The following VCP variants were observed in gnomAD, a reference collection of about 807,000 sequenced individuals.
VCP encodes the protein transitional endoplasmic reticulum ATPase.
Under a neutral mutation model 85.7 loss-of-function variants are expected in VCP, and 6 were observed. The ratio of observed to expected loss-of-function variants is 0.07; its 90% CI spans 0.04 to 0.14. The LOEUF (loss-of-function observed/expected upper bound fraction) is 0.14. Ranked by LOEUF, VCP falls within the 10% of genes least tolerant of loss-of-function variation. The pLI is 1.00. For synonymous variants in VCP, 384 were observed against 367.1 expected (o/e 1.05, Z -0.53); for missense variants, 353 against 1,043.4 (o/e 0.34, Z 9.12).
At chr9:35,063,697 G>A (rs764224777) in intron 6 of VCP, among the ~76,000 whole-genome samples, 3 of 152,272 alleles carry the variant, frequency 2.0e-5, no homozygotes, top group Non-Finnish European at 4.4e-5. Flanking sequence ...TTCCCACTAG[G>A]AAAAGATTGA....
intron 1 of VCP, chr9:35,071,828 C>G: frequency 1.0e-6 from 1 of 989,702 alleles, no homozygotes; most frequent in Non-Finnish European, 1.2e-6. Flanking sequence ...CTTCCCCGAC[C>G]CCGGGCTCCG....
rs1480239077 is a variant in VCP at position 35,071,929 on chromosome 9, TCTCCG to T, written c.17+403_17+407del. The T allele has an allele frequency of 2.7e-5, 28 of 1,023,414 alleles. No individual in the cohort carries two copies. In the East Asian group the frequency reaches 2.5e-3, roughly 92 times the overall value. 63.4% of individuals were successfully genotyped at this position (1,023,414 alleles called of 1,614,324 possible). ...GGCCTCGGGCTCGCGGGGCCTGCTC[TCTCCG>T]GGGACCAAAGGCTTTCGGCGGGTGG... On this transcript the variant is annotated intron_variant, in intron 1 of 16. Transcript: ENST00000358901.
chr9:35,058,145 T>A (rs1263919176), intron 15 of VCP, among the ~76,000 whole-genome samples: 1 of 152,178 alleles, frequency 6.6e-6, no homozygotes, highest in East Asian at 1.9e-4. Context: ...AAAACCTATC[T>A]CTTCCATTGA....
rs1479973103 is a variant in VCP, at chr9:35,057,023, G to A, written c.*94C>T. On this transcript the variant is annotated 3_prime_UTR_variant, in exon 17 of 17. Transcript: ENST00000358901. ...CAGACTGGAGAATGGAGCAGGCTGTGGGCGCACCCCTGGTCCCTCTCCTGG... is the reference window on the plus strand; with the variant it reads ...CAGACTGGAGAATGGAGCAGGCTGTAGGCGCACCCCTGGTCCCTCTCCTGG... 16 of 1,231,820 alleles carry A rather than the reference G, an allele frequency of 1.3e-5. No homozygotes were observed. Among genetic ancestry groups the A allele is most frequent in the Non-Finnish European group, 1.9e-5 (16 of 840,070 alleles). The allele number at this position is 1,231,820 out of a possible 1,614,324, so 76.3% of individuals were successfully genotyped here.
In VCP at chr9:35,064,284, T is replaced by A; in HGVS notation, c.578A>T (p.Asp193Val). ...TACTTCATTCAAGGACTCTTCCTCATCCTGAATATGGAGGAGATAAAGAAA... is the reference window on the plus strand; with the variant it reads ...TACTTCATTCAAGGACTCTTCCTCAACCTGAATATGGAGGAGATAAAGAAA... Reference protein sequence around the residue: ...HCEGEPIKREDEEESLNEVGY... With the variant: ...HCEGEPIKREVEEESLNEVGY... The change falls in exon 6 of 17, where the codon GAT (aspartate) becomes GTT (valine). Residue 193 changes from aspartate to valine, a missense_variant and splice_region_variant. Around this residue, in one of 8 missense-constraint regions of VCP, gnomAD observed 85 missense variants for 345.2 expected, o/e 0.25. Coordinates refer to ENST00000358901, the MANE Select transcript of VCP (RefSeq NM_007126.5). 6.2e-7 allele frequency: 1 copy of A among 1,614,116 alleles called. No homozygotes were observed. The highest frequency in any genetic ancestry group is 8.5e-7 in the Non-Finnish European group (1 of 1,180,020).
rs569924212 is a variant in VCP, at chr9:35,068,431, C to A, written c.18-69G>T. 14 of 1,356,262 alleles carry A rather than the reference C, an allele frequency of 1.0e-5. No homozygotes were observed. The East Asian group carries it at 3.2e-4, about 31-fold the overall frequency. 84.0% of individuals were successfully genotyped at this position (1,356,262 alleles called of 1,614,324 possible). A position where few individuals can be genotyped will look rare whatever the true frequency, so the allele number is the denominator to read the frequency against. Reference sequence around the variant, plus strand: ...GCCTCGCCAGTCTCTAAAACTCATACTTAGGAAAGAAACAGTGAATAGATG... The same window carrying A: ...GCCTCGCCAGTCTCTAAAACTCATAATTAGGAAAGAAACAGTGAATAGATG... On this transcript the variant is annotated intron_variant, in intron 1 of 16. Transcript: ENST00000358901.
At chr9:35,062,391 C>T in intron 7 of VCP, 41 bp from the exon 8 acceptor site, 6 of 1,613,660 alleles carry the variant, frequency 3.7e-6, no homozygotes, top group Non-Finnish European at 5.1e-6. Context: ...AAATGATAGT[C>T]TTTCCCAATT....
At position 35,072,554 on chromosome 9, in the gene VCP, G is replaced by A. The variant is rs1828981817; in HGVS notation, c.-201C>T. On this transcript the variant is annotated 5_prime_UTR_variant, in exon 1 of 17. Transcript: ENST00000358901. ...AACAACGCTGGCTCCTGATCCGCGA[G>A]GTGGCAGTGGCAGTGGCAGCGGCAG... 1.7e-6 allele frequency: 1 copy of A among 592,480 alleles called. No individual in the cohort carries two copies. The highest frequency in any genetic ancestry group is 4.4e-5 in the Admixed American group (1 of 22,866). The allele number at this position is 592,480 out of a possible 1,614,324, so 36.7% of individuals were successfully genotyped here. A position where few individuals can be genotyped will look rare whatever the true frequency, so the allele number is the denominator to read the frequency against.
At chr9:35,065,449 A>T in intron 4 of VCP, 68 bp from the exon 5 acceptor site, 1 of 1,606,964 alleles carries the variant, frequency 6.2e-7, no homozygotes, top group South Asian at 1.1e-5. Flanking sequence ...AACTCATCAG[A>T]CCCTGGGGTC....
chr9:35,072,020 G>A (rs1202259798), intron 1 of VCP: 4 of 1,156,894 alleles, frequency 3.5e-6, no homozygotes, highest in Middle Eastern at 3.6e-4. Flanking sequence ...GGAGTGGGCC[G>A]GAAGACCTGG....
chr9:35,068,216 C>T lies in VCP; in HGVS notation c.129+35G>A, dbSNP rs78639645. ...CCTGGGAAAATCCCTCAAGTAAGTG[C>T]AGTAAGGAAAGACTAGTCTGTGGCC... On this transcript the variant is annotated intron_variant, in intron 2 of 16. Transcript: ENST00000358901. 4.3e-3 allele frequency: 6,927 copies of T among 1,608,384 alleles called. 258 individuals carry two copies. In the African/African-American group the frequency reaches 0.08, roughly 19 times the overall value.
rs188258544 is a variant in VCP at position 35,059,439 on chromosome 9, G to A, written c.2004+54C>T. The A allele has an allele frequency of 8.7e-6, 14 of 1,604,900 alleles. No homozygotes were observed. In the African/African-American group the frequency reaches 1.1e-4, roughly 12 times the overall value. On this transcript the variant is annotated intron_variant, in intron 14 of 16. Coordinates refer to ENST00000358901, the MANE Select transcript of VCP (RefSeq NM_007126.5). This position sits in a 1 kb window ranked among gnomAD's most constrained non-coding sequence, Gnocchi z 4.9. ...TTGTCCAGAAACTAAAGAGCACTCC[G>A]TACCAGCCTGAGGACTCATGCAAGT... is the stretch of plus-strand genomic sequence containing the variant.
Position 35,068,359 on chromosome 9 carries a change from T to C in VCP, c.21A>G (p.Ser7=). Residue 7 remains serine, a synonymous_variant, in exon 2 of 17, where the codon TCA becomes TCG. Coordinates refer to ENST00000358901, the MANE Select transcript of VCP (RefSeq NM_007126.5). ...TGGCTGTTGATAGGTCATCACCTTT[T>C]GAACTAGAAGGAGGAAATGGAGTCA... The part of the protein sequence containing the change: MASGAD[S]KGDDLSTAIL... 1 of 1,614,110 alleles carries C rather than the reference T, an allele frequency of 6.2e-7. No individual in the cohort carries two copies. Among genetic ancestry groups the C allele is most frequent in the East Asian group, 2.2e-5 (1 of 44,890 alleles).
intron 5 of VCP, 145 bp from the exon 6 acceptor site, chr9:35,064,430 A>C (rs1563979214): frequency 9.0e-7 from 1 of 1,107,918 alleles, no homozygotes; most frequent in African/African-American, 1.6e-5. Context: ...TCACATCTGT[A>C]ATCCCAGCAC....
chr9:35,067,784 T>G (rs1423397822), intron 3 of VCP, 107 bp downstream of exon 3: 2 of 1,453,676 alleles, frequency 1.4e-6, no homozygotes, highest in Non-Finnish European at 1.9e-6. Flanking sequence ...GCTTCCTGCA[T>G]CGACAGGTGC....
In VCP at chr9:35,060,347, T is replaced by TC. The variant is rs1828697635; in HGVS notation, c.1660dup (p.Glu554GlyfsTer3). On this transcript the variant is annotated frameshift_variant, in exon 13 of 17. Coordinates refer to ENST00000358901, the MANE Select transcript of VCP (RefSeq NM_007126.5). LOFTEE classifies it high-confidence loss of function. ...GATTTCTCTGACATTGGCCTCAGACTCCCCAAACCACATGGTGAGCAGCTC... is the reference window on the plus strand; with the variant it reads ...GATTTCTCTGACATTGGCCTCAGACTCCCCCAAACCACATGGTGAGCAGCTC... The TC allele has an allele frequency of 6.2e-7, 1 of 1,614,074 alleles. No individual in the cohort carries two copies. Among genetic ancestry groups the TC allele is most frequent in the African/African-American group, 1.3e-5 (1 of 74,924 alleles).
intron 15 of VCP, among the ~76,000 whole-genome samples, chr9:35,058,384 C>G (rs1478917366): frequency 6.6e-6 from 1 of 152,186 alleles, no homozygotes; most frequent in Non-Finnish European, 1.5e-5. Context: ...ATGGAACTTA[C>G]AAACACATGA....
In VCP at chr9:35,059,959, T is replaced by C; in HGVS notation, c.1696-158A>G. 1.1e-6 allele frequency: 1 copy of C among 899,598 alleles called. No homozygotes were observed. Among genetic ancestry groups the C allele is most frequent in the East Asian group, 2.6e-5 (1 of 38,062 alleles). The allele number at this position is 899,598 out of a possible 1,614,324, so 55.7% of individuals were successfully genotyped here. On this transcript the variant is annotated intron_variant, in intron 13 of 16. Transcript: ENST00000358901. The surrounding 1 kb of genome is among the most constrained non-coding windows in gnomAD (Gnocchi z 4.9). ...ACCAGCATGGGCAACATACTGAGAC[T>C]TTGTCTCTACAAAAAATAAAAAATT... is the stretch of plus-strand genomic sequence containing the variant.
chr9:35,064,368 C>A (rs924722248), intron 5 of VCP, 83 bp from the exon 6 acceptor site: 48 of 1,579,624 alleles, frequency 3.0e-5, no homozygotes, highest in Non-Finnish European at 4.0e-5. Flanking sequence ...ATTCCACTAC[C>A]TAGTGTGCAA....
Sources: allele counts gnomAD v4.1 joint callset (sites outside exome capture counted in the v4.1 genomes callset), GRCh38; gene constraint gnomAD v4.1.1; regional missense constraint gnomAD v4.1.1; non-coding constraint Gnocchi (gnomAD v3.1); transcripts MANE v1.5; gene names NCBI Gene and HGNC (gene_info 2026-07-23, HGNC 2026-07-21).